MAPK10: variants seen among roughly 807,000 people sequenced by gnomAD.
The protein encoded by MAPK10 is mitogen-activated protein kinase 10.
In MAPK10, 25 loss-of-function variants were observed where a neutral mutation model predicts 59.3. That is an observed-to-expected ratio of 0.42 (90% CI 0.31 to 0.59). The LOEUF is 0.59. MAPK10 is among the 20% of genes least tolerant of loss of function. The pLI is 0.15. For missense variants in MAPK10, 351 were observed against 568.9 expected (o/e 0.62, Z 3.90); for synonymous variants, 190 against 200.5 (o/e 0.95, Z 0.44).
chr4:86,457,745 A>T (rs1239479764), upstream of MAPK10, among the ~76,000 whole-genome samples: 1 of 152,194 alleles, frequency 6.6e-6, no homozygotes, highest in Non-Finnish European at 1.5e-5. Flanking sequence ...AAAGTAATCT[A>T]CAAATTCAAT....
At chr4:86,203,728 T>C (rs976411014) in intron 2 of MAPK10, among the ~76,000 whole-genome samples, 1 of 150,540 alleles carries the variant, frequency 6.6e-6, no homozygotes. Flanking sequence ...ATCATACATA[T>C]GCTTGCAAGC....
In MAPK10 at chr4:86,194,228, A is replaced by T. The variant is rs548077399; in HGVS notation, c.66+108T>A. The stretch of plus-strand genomic sequence containing the variant: ...CAGCTCCTAATTCTAAACTACTGTT[A>T]ATATGATATAAATACTGACTTTGGT... On this transcript the variant is annotated intron_variant, in intron 3 of 13. Coordinates refer to ENST00000641462, the MANE Select transcript of MAPK10 (RefSeq NM_138982.4). 1.2e-4 allele frequency: 104 copies of T among 848,624 alleles called. 1 individual carries two copies. The East Asian group carries it at 2.5e-3, about 21-fold the overall frequency. The allele number at this position is 848,624 out of a possible 1,614,324, so 52.6% of individuals were successfully genotyped here. A position where few individuals can be genotyped will look rare whatever the true frequency, so the allele number is the denominator to read the frequency against.
In MAPK10 at chr4:86,194,362, A is replaced by T. The variant is rs747803325; in HGVS notation, c.40T>A (p.Leu14Met). 1 of 1,613,532 alleles carries T rather than the reference A, an allele frequency of 6.2e-7. No homozygotes were observed. Among genetic ancestry groups the T allele is most frequent in the African/African-American group, 1.3e-5 (1 of 74,936 alleles). ...TGACAAAAGGCAATTTTCACATCCA[A>T]TGTTGGTTCACTGCAGTAGTATAAG... Reference protein sequence around the residue: ...HFLYYCSEPTLDVKIAFCQGF... With the variant: ...HFLYYCSEPTMDVKIAFCQGF... Residue 14 changes from leucine (L) to methionine (M), a missense_variant, in exon 3 of 14, where the codon TTG (leucine) becomes ATG (methionine). By Grantham distance (15) the Leu-to-Met change is conservative. Around this residue, in one of 5 missense-constraint regions of MAPK10, gnomAD observed 61 missense variants for 58.4 expected, o/e 1.05. Coordinates refer to ENST00000641462, the MANE Select transcript of MAPK10 (RefSeq NM_138982.4).
chr4:86,099,832 T>A (rs2055002125), intron 8 of MAPK10: 1 of 152,210 alleles, frequency 6.6e-6, no homozygotes, highest in Non-Finnish European at 1.5e-5. Context: ...TATAAAAATG[T>A]CTTCTTTTCT....
At chr4:86,575,781 G>A (rs1761836114) in intron 1 of MAPK10, among the ~76,000 whole-genome samples, 1 of 150,370 alleles carries the variant, frequency 6.7e-6, no homozygotes, top group Admixed American at 6.6e-5. Flanking sequence ...ACACTCCATG[G>A]TGTATGATGG....
At chr4:86,188,436 A>G (rs2078814600) in intron 3 of MAPK10, among the ~76,000 whole-genome samples, 1 of 152,096 alleles carries the variant, frequency 6.6e-6, no homozygotes, top group Non-Finnish European at 1.5e-5. Flanking sequence ...AATGCTCACC[A>G]TTCTAACTGG....
intron 1 of MAPK10, among the ~76,000 whole-genome samples, chr4:86,403,376 C>T (rs988975594): frequency 3.3e-5 from 5 of 152,112 alleles, no homozygotes; most frequent in South Asian, 2.1e-4. Flanking sequence ...ATTAGCTGGG[C>T]GTGGTGGCAC....
At chr4:86,193,605 A>G (rs1338472025) in intron 3 of MAPK10, 2 of 152,356 alleles carry the variant, frequency 1.3e-5, no homozygotes. Context: ...CCCTCCCCCC[A>G]ACCAAGCTTG....
At chr4:86,304,315 G>T (rs17408881) in intron 2 of MAPK10, among the ~76,000 whole-genome samples, 4 of 81,688 alleles carry the variant, frequency 4.9e-5, no homozygotes, top group East Asian at 3.6e-4. Context: ...GATGTTTTTT[G>T]TTTCTTCACC....
At position 86,508,139 on chromosome 4, in the gene MAPK10, G is replaced by A. The variant is rs571216786; in HGVS notation, c.-263+85771C>T. On this transcript the variant is annotated intron_variant, in intron 1 of 4. Coordinates refer to the MAPK10 transcript ENST00000502302. ...GTGTATTCCCATTGTATTCCTATTC[G>A]CAAAAAAATATCATTTTCTTTTAGA... Among the ~76,000 whole-genome samples the A allele has an allele frequency of 3.3e-5, 5 of 151,890 alleles. 1 individual carries two copies. The South Asian group carries it at 6.2e-4, about 19-fold the overall frequency.
intron 11 of MAPK10, among the ~76,000 whole-genome samples, chr4:86,037,074 C>T (rs1013355426): frequency 6.6e-6 from 1 of 152,138 alleles, no homozygotes; most frequent in African/African-American, 2.4e-5. Flanking sequence ...TAAAATATGG[C>T]TGTTGGCAGA....
chr4:86,061,937 T>C (rs556255905), intron 11 of MAPK10, among the ~76,000 whole-genome samples: 1 of 152,316 alleles, frequency 6.6e-6, no homozygotes, highest in Admixed American at 6.5e-5. Context: ...ATTATAGCTT[T>C]GCCATGTGTC....
chr4:86,567,728 G>A (rs571191695), intron 1 of MAPK10, among the ~76,000 whole-genome samples: 38 of 152,058 alleles, frequency 2.5e-4, no homozygotes, highest in African/African-American at 7.7e-4. Context: ...ACTGACATAC[G>A]GAGAAATTTA....
chr4:86,058,445 T>C lies in MAPK10; in HGVS notation c.1110+5821A>G, dbSNP rs1249519106. On this transcript the variant is annotated intron_variant, in intron 11 of 13. Coordinates refer to ENST00000641462, the MANE Select transcript of MAPK10 (RefSeq NM_138982.4). The stretch of plus-strand genomic sequence containing the variant: ...TTGCCTTAGGGTTGGTCTCAGCCAA[T>C]AGGAGGGAGATATCACCAGGAGACA... 2.0e-5 allele frequency among the ~76,000 whole-genome samples: 3 copies of C among 149,190 alleles called. 1 individual carries two copies. Among genetic ancestry groups the C allele is most frequent in the Non-Finnish European group, 4.5e-5 (3 of 67,360 alleles).
chr4:86,592,836 G>A (rs1301062707), intron 1 of MAPK10, among the ~76,000 whole-genome samples: 1 of 152,190 alleles, frequency 6.6e-6, no homozygotes, highest in Non-Finnish European at 1.5e-5. Context: ...GAGGAATCCA[G>A]CCCATTTTAC....
intron 1 of MAPK10, among the ~76,000 whole-genome samples, chr4:86,548,589 A>G (rs561243939): frequency 9.9e-5 from 15 of 152,272 alleles, no homozygotes; most frequent in Non-Finnish European, 1.8e-4. Context: ...CCTCCTAGTG[A>G]TAGGTTCCCC....
At chr4:86,291,602 GA>G (rs147187525) in intron 2 of MAPK10, among the ~76,000 whole-genome samples, 1,791 of 152,220 alleles carry the variant, frequency 0.012, 42 homozygotes, top group African/African-American at 0.041. Context: ...TAAAAAACTA[GA>G]TGCTACTGAT....
chr4:86,330,116 C>T (rs537655121), intron 2 of MAPK10, among the ~76,000 whole-genome samples: 55 of 152,284 alleles, frequency 3.6e-4, no homozygotes, highest in African/African-American at 1.3e-3. Context: ...TGAGAAGTCA[C>T]ATAGAGGTGT....
At chr4:86,374,521 G>T (rs1330627317) in intron 1 of MAPK10, among the ~76,000 whole-genome samples, 2 of 152,182 alleles carry the variant, frequency 1.3e-5, no homozygotes, top group African/African-American at 4.8e-5. Flanking sequence ...CCTATGGAAA[G>T]GTGGCAGTCA....
Sources: gnomAD v4.1 joint callset for allele counts (sites outside exome capture counted in the v4.1 genomes callset) on GRCh38, gnomAD v4.1.1 for gene constraint, gnomAD v4.1.1 regional missense constraint, MANE v1.5 for transcripts, NCBI Gene and HGNC (gene_info 2026-07-23, HGNC 2026-07-21) for gene names.